ANO10: variants seen among roughly 807,000 people sequenced by gnomAD.
ANO10 encodes anoctamin-10.
In ANO10, 77 loss-of-function variants were observed where a neutral mutation model predicts 74.7. The ratio of observed to expected loss-of-function variants is 1.03; its 90% CI spans 0.86 to 1.25. The LOEUF is 1.25. ANO10 is among the 50% of genes most tolerant of loss of function. The pLI is 0.00. For synonymous variants in ANO10, 279 were observed against 284.9 expected (o/e 0.98, Z 0.21); for missense variants, 721 against 778.1 (o/e 0.93, Z 0.87).
At chr3:43,571,149 C>T in intron 7 of ANO10, among the ~76,000 whole-genome samples, 1 of 150,056 alleles carries the variant, frequency 6.7e-6, no homozygotes, top group Non-Finnish European at 1.5e-5. Flanking sequence ...CATCTCACAC[C>T]AGTTAGAATG....
intron 11 of ANO10, among the ~76,000 whole-genome samples, chr3:43,505,983 C>CA (rs1167094039): frequency 1.3e-5 from 2 of 152,040 alleles, no homozygotes; most frequent in East Asian, 1.9e-4. Flanking sequence ...AAGAAACAAA[C>CA]AAAAAATATT....
intron 11 of ANO10, among the ~76,000 whole-genome samples, chr3:43,457,342 A>T (rs371094529): frequency 6.6e-6 from 1 of 152,224 alleles, no homozygotes; most frequent in African/African-American, 2.4e-5. Context: ...TTTACAAAGG[A>T]AAGAGGTTTA....
chr3:43,683,591 T>C (rs1157101536), intron 1 of ANO10, among the ~76,000 whole-genome samples: 1 of 152,134 alleles, frequency 6.6e-6, no homozygotes, highest in Non-Finnish European at 1.5e-5. Flanking sequence ...TTAAAGTTCA[T>C]ATGGAACCAA....
intron 11 of ANO10, among the ~76,000 whole-genome samples, chr3:43,506,921 A>G (rs960092336): frequency 6.6e-6 from 1 of 152,056 alleles, no homozygotes; most frequent in Non-Finnish European, 1.5e-5. Context: ...ATTATCATCT[A>G]TCTTCCCCCC....
intron 11 of ANO10, among the ~76,000 whole-genome samples, chr3:43,514,390 G>A (rs551791950): frequency 4.4e-4 from 67 of 152,082 alleles, no homozygotes; most frequent in Middle Eastern, 6.8e-3. Flanking sequence ...TATTACATCC[G>A]GGATAAAGAG....
At chr3:43,572,174 G>A (rs769857634) in intron 7 of ANO10, among the ~76,000 whole-genome samples, 164 of 152,302 alleles carry the variant, frequency 1.1e-3, no homozygotes, top group Non-Finnish European at 2.2e-3. Context: ...TCCCACATTT[G>A]AATAGGAATC....
At chr3:43,423,908 T>C (rs2092858343) in intron 12 of ANO10, among the ~76,000 whole-genome samples, 1 of 152,174 alleles carries the variant, frequency 6.6e-6, no homozygotes, top group Non-Finnish European at 1.5e-5. Flanking sequence ...TGTTAGGTCA[T>C]GAAAATAGGT....
At position 43,511,308 on chromosome 3, in the gene ANO10, ATATCAATG is replaced by A. The variant is rs1457751695; in HGVS notation, c.1797+38404_1797+38411del. Among the ~76,000 whole-genome samples the A allele has an allele frequency of 5.3e-5, 8 of 152,320 alleles. No individual in the cohort carries two copies. In the East Asian group the frequency reaches 9.7e-4, roughly 18 times the overall value. On this transcript the variant is annotated intron_variant, in intron 11 of 12. Coordinates refer to ENST00000292246, the MANE Select transcript of ANO10 (RefSeq NM_018075.5). ...TTAAAATTCACAAAATATAGTCCAT[ATATCAATG>A]TATTTATTGACTTCACAATATCTGC...
At chr3:43,674,273 G>C (rs571058643) in intron 1 of ANO10, among the ~76,000 whole-genome samples, 2 of 152,272 alleles carry the variant, frequency 1.3e-5, no homozygotes, top group South Asian at 4.1e-4. Context: ...CAGAGTAGCT[G>C]GGACTATAGG....
intron 1 of ANO10, among the ~76,000 whole-genome samples, chr3:43,650,133 C>T (rs781256392): frequency 2.6e-5 from 4 of 152,138 alleles, no homozygotes; most frequent in Admixed American, 6.5e-5. Flanking sequence ...AGGTGACACA[C>T]GGACTTGAAG....
chr3:43,421,256 C>T (rs2092816096), intron 12 of ANO10, among the ~76,000 whole-genome samples: 1 of 152,104 alleles, frequency 6.6e-6, no homozygotes, highest in Non-Finnish European at 1.5e-5. Flanking sequence ...AGCGGTGGCT[C>T]ACACTTGTAA....
chr3:43,585,647 C>T (rs1161769988), intron 4 of ANO10, among the ~76,000 whole-genome samples: 2 of 152,058 alleles, frequency 1.3e-5, no homozygotes, highest in African/African-American at 4.8e-5. Flanking sequence ...AGGTGGAAGC[C>T]GTGATTTCCA....
chr3:43,602,021 G>A (rs1292140742), intron 2 of ANO10, among the ~76,000 whole-genome samples: 1 of 152,210 alleles, frequency 6.6e-6, no homozygotes, highest in Non-Finnish European at 1.5e-5. Context: ...ACAACGTTAA[G>A]TTTCCTTTAA....
chr3:43,401,968 GGGTCCCATGCCCA>G (rs201708935), intron 12 of ANO10, among the ~76,000 whole-genome samples: 3,087 of 152,230 alleles, frequency 0.02, 39 homozygotes, highest in Middle Eastern at 0.031. Context: ...ACAGCTCTGA[GGGTCCCATGCCCA>G]GGTTATAAGG....
intron 11 of ANO10, among the ~76,000 whole-genome samples, chr3:43,509,367 A>G (rs1213728227): frequency 6.6e-6 from 1 of 152,230 alleles, no homozygotes; most frequent in Non-Finnish European, 1.5e-5. Flanking sequence ...TAAATTTAAA[A>G]AAAAAGAAAT....
chr3:43,593,948 A>C (rs2081946144), intron 4 of ANO10, among the ~76,000 whole-genome samples: 1 of 152,206 alleles, frequency 6.6e-6, no homozygotes, highest in African/African-American at 2.4e-5. Context: ...AAAAACAAGC[A>C]GGGGTTGCAA....
At chr3:43,548,380 C>A (rs2079298058) in intron 11 of ANO10, among the ~76,000 whole-genome samples, 1 of 152,192 alleles carries the variant, frequency 6.6e-6, no homozygotes, top group South Asian at 2.1e-4. Flanking sequence ...GCAAATAGCT[C>A]TCCAAAATTC....
intron 9 of ANO10, among the ~76,000 whole-genome samples, chr3:43,557,832 G>A (rs1575421448): frequency 6.6e-6 from 1 of 150,966 alleles, no homozygotes; most frequent in African/African-American, 2.4e-5. Context: ...TGAGAAATTA[G>A]GTCAGGCATG....
intron 11 of ANO10, among the ~76,000 whole-genome samples, chr3:43,470,027 T>C (rs779644538): frequency 5.3e-5 from 8 of 152,218 alleles, no homozygotes; most frequent in Admixed American, 1.3e-4. Context: ...TTTTAAAAAC[T>C]ACATTCTACT....
Sources: allele counts gnomAD v4.1 joint callset (sites outside exome capture counted in the v4.1 genomes callset), GRCh38; gene constraint gnomAD v4.1.1; transcripts MANE v1.5; gene names NCBI Gene and HGNC (gene_info 2026-07-23, HGNC 2026-07-21).